Variants in EXOC4 observed in about 807,000 individuals in gnomAD.
EXOC4 encodes SEC8-like 1.
In EXOC4, 71 loss-of-function variants were observed where a neutral mutation model predicts 107.2. That is an observed-to-expected ratio of 0.66 (90% confidence interval 0.55 to 0.81). The LOEUF (loss-of-function observed/expected upper bound fraction) is 0.81. Ranked by LOEUF, EXOC4 falls within the 30% of genes least tolerant of loss-of-function variation. EXOC4 has a pLI of 0.00. For missense variants in EXOC4, 1,108 were observed against 1,189.6 expected, an observed-to-expected ratio of 0.93 and a Z score of 1.01; for synonymous variants, 456 against 441.2, an observed-to-expected ratio of 1.03 and a Z score of -0.42.
chr7:134,069,983 AC>A (rs1243122735), downstream of EXOC4, among the ~76,000 whole-genome samples: 2 of 152,174 alleles, frequency 1.3e-5, no homozygotes, highest in Non-Finnish European at 2.9e-5. Context: ...TGATCAGAAG[AC>A]CAGCCAAGGG....
rs78130642 is a variant in EXOC4 at position 134,064,420 on chromosome 7, G to T, written c.2817G>T (p.Val939=). The T allele has an allele frequency of 6.2e-7, 1 of 1,607,926 alleles. No individual in the cohort carries two copies. The highest frequency in any genetic ancestry group is 8.5e-7 in the Non-Finnish European group (1 of 1,176,746). The change falls in exon 18 of 18, where the codon GTG becomes GTT. Residue 939 remains valine, a synonymous_variant. Transcript: ENST00000253861. Reference sequence around the variant, plus strand: ...TGCTGCACCGCAGCCAGACTGGGGTGGGGGAACTGACCACCCAGAACACGA... The same window carrying T: ...TGCTGCACCGCAGCCAGACTGGGGTTGGGGAACTGACCACCCAGAACACGA... ...LTLLHRSQTG[V]GELTTQNTRL...
intron 10 of EXOC4, among the ~76,000 whole-genome samples, chr7:133,743,116 C>T (rs1795602839): frequency 6.6e-6 from 1 of 152,174 alleles, no homozygotes; most frequent in Non-Finnish European, 1.5e-5. Context: ...CTGTTCTTAT[C>T]ATAGTAGCAC....
At chr7:133,752,420 CATCA>C (rs1795813982) in intron 10 of EXOC4, among the ~76,000 whole-genome samples, 1 of 152,158 alleles carries the variant, frequency 6.6e-6, no homozygotes, top group Non-Finnish European at 1.5e-5. Flanking sequence ...ACAATATTCT[CATCA>C]TAAAATGGGA....
intron 7 of EXOC4, among the ~76,000 whole-genome samples, chr7:133,399,547 A>G (rs1337635023): frequency 1.3e-5 from 2 of 152,258 alleles, no homozygotes; most frequent in African/African-American, 4.8e-5. Context: ...CTTCCATTAT[A>G]AAACTAATTT....
intron 7 of EXOC4, among the ~76,000 whole-genome samples, chr7:133,451,001 G>A (rs1798332192): frequency 6.6e-6 from 1 of 152,162 alleles, no homozygotes; most frequent in African/African-American, 2.4e-5. Flanking sequence ...GGTCGTGAAC[G>A]GTTGCTCACT....
intron 10 of EXOC4, among the ~76,000 whole-genome samples, chr7:133,703,993 C>G (rs1204530990): frequency 5.9e-5 from 9 of 152,142 alleles, no homozygotes; most frequent in Non-Finnish European, 1.0e-4. Context: ...TTTACAGTTC[C>G]CTTCAATTTT....
chr7:133,446,421 C>T (rs544327171), intron 7 of EXOC4, among the ~76,000 whole-genome samples: 9 of 152,212 alleles, frequency 5.9e-5, no homozygotes, highest in South Asian at 4.1e-4. Flanking sequence ...TAGTTTTTAA[C>T]GCAGGGCTGT....
At chr7:133,309,666 G>A (rs781150776) in intron 4 of EXOC4, among the ~76,000 whole-genome samples, 3 of 152,178 alleles carry the variant, frequency 2.0e-5, no homozygotes, top group Admixed American at 6.5e-5. Flanking sequence ...TCAGCCGGGC[G>A]TGGAGGCTCA....
chr7:133,675,679 G>A (rs113758336), intron 10 of EXOC4, among the ~76,000 whole-genome samples: 234 of 152,200 alleles, frequency 1.5e-3, no homozygotes, highest in African/African-American at 5.5e-3. Context: ...ATATCTGATG[G>A]CTCTGCCAAG....
At chr7:133,409,811 C>T (rs551885358) in intron 7 of EXOC4, among the ~76,000 whole-genome samples, 2 of 152,136 alleles carry the variant, frequency 1.3e-5, no homozygotes, top group East Asian at 3.9e-4. Flanking sequence ...AGTTAGTTAG[C>T]CTTATAGGAC....
intron 10 of EXOC4, among the ~76,000 whole-genome samples, chr7:133,765,670 C>CT (rs1469089521): frequency 3.2e-4 from 49 of 152,024 alleles, no homozygotes; most frequent in Admixed American, 1.6e-3. Flanking sequence ...TTAAGTCTTC[C>CT]TTTTTTCTGC....
intron 14 of EXOC4, among the ~76,000 whole-genome samples, chr7:133,962,480 T>A (rs913664703): frequency 6.6e-6 from 1 of 152,168 alleles, no homozygotes; most frequent in Admixed American, 6.5e-5. Flanking sequence ...AAGATGATCA[T>A]TGGGGCTACA....
chr7:133,632,149 A>C (rs1484473030), intron 10 of EXOC4, among the ~76,000 whole-genome samples: 12 of 152,148 alleles, frequency 7.9e-5, no homozygotes, highest in Non-Finnish European at 1.8e-4. Flanking sequence ...CTCTGGTGGA[A>C]CTTAATGTAT....
At chr7:133,694,216 ACGCTGATG>A (rs942949275) in intron 10 of EXOC4, among the ~76,000 whole-genome samples, 4 of 149,942 alleles carry the variant, frequency 2.7e-5, no homozygotes, top group African/African-American at 9.9e-5. Flanking sequence ...AGCCGAGATC[ACGCTGATG>A]TACTCCAGCC....
chr7:133,661,081 C>CA (rs1466763011), intron 10 of EXOC4, among the ~76,000 whole-genome samples: 1 of 152,080 alleles, frequency 6.6e-6, no homozygotes, highest in African/African-American at 2.4e-5. Flanking sequence ...GGGTACCCCA[C>CA]AAAAATGCCA....
intron 11 of EXOC4, among the ~76,000 whole-genome samples, chr7:133,875,553 CT>C (rs1182888860): frequency 6.6e-6 from 1 of 152,156 alleles, no homozygotes; most frequent in Admixed American, 6.5e-5. Flanking sequence ...TTGGAGTGGC[CT>C]GTGCTTCCCG....
chr7:133,921,608 AT>A (rs957565426), intron 13 of EXOC4, among the ~76,000 whole-genome samples: 3 of 151,164 alleles, frequency 2.0e-5, no homozygotes, highest in South Asian at 2.1e-4. Context: ...TTCTTTAAAG[AT>A]TTTTTTTGTC....
chr7:133,487,815 A>C (rs749586560), intron 9 of EXOC4, among the ~76,000 whole-genome samples: 1 of 152,178 alleles, frequency 6.6e-6, no homozygotes, highest in Admixed American at 6.5e-5. Context: ...AAGTTAACTT[A>C]TATCTCATAT....
At chr7:133,395,813 A>G (rs1029288261) in intron 7 of EXOC4, among the ~76,000 whole-genome samples, 1 of 152,152 alleles carries the variant, frequency 6.6e-6, no homozygotes, top group African/African-American at 2.4e-5. Flanking sequence ...TTTTATGAAA[A>G]AGGGTAGGGA....
Sources: allele counts gnomAD v4.1 joint callset (sites outside exome capture counted in the v4.1 genomes callset), GRCh38; gene constraint gnomAD v4.1.1; transcripts MANE v1.5; gene names NCBI Gene and HGNC (gene_info 2026-07-23, HGNC 2026-07-21).